The following KCNK2 variants were observed in gnomAD, a reference collection of about 807,000 sequenced individuals.
KCNK2 encodes the protein potassium channel subfamily K member 2.
A neutral mutation model predicts 40.5 loss-of-function variants in KCNK2; 21 were observed. The ratio of observed to expected loss-of-function variants is 0.52; its 90% CI spans 0.37 to 0.75. KCNK2 has a LOEUF of 0.75. KCNK2 is among the 30% of genes least tolerant of loss of function. The pLI is 0.00. For synonymous variants in KCNK2, 191 were observed against 202.2 expected, an observed-to-expected ratio of 0.94 and a Z score of 0.47; for missense variants, 399 against 531.6, an observed-to-expected ratio of 0.75 and a Z score of 2.45.
At chr1:215,078,364 A>G (rs1006026770), upstream of KCNK2, among the ~76,000 whole-genome samples, 4 of 152,212 alleles carry the variant, frequency 2.6e-5, no homozygotes, top group Admixed American at 1.3e-4. Context: ...TCACAATGCT[A>G]TGAAGAAATG....
chr1:215,219,895 T>C (rs1666104192), intron 6 of KCNK2, among the ~76,000 whole-genome samples: 1 of 152,204 alleles, frequency 6.6e-6, no homozygotes, highest in Non-Finnish European at 1.5e-5. Context: ...ATCCCCATTA[T>C]TCCTTGAGCA....
chr1:215,093,943 AT>A (rs1659866301), intron 2 of KCNK2, among the ~76,000 whole-genome samples: 1 of 126,224 alleles, frequency 7.9e-6, no homozygotes, highest in Non-Finnish European at 1.6e-5. Context: ...ACATGACAAT[AT>A]ATATAATATA....
chr1:215,125,207 T>C (rs1661361808), intron 3 of KCNK2, among the ~76,000 whole-genome samples: 1 of 152,176 alleles, frequency 6.6e-6, no homozygotes, highest in South Asian at 2.1e-4. Context: ...TTTATGATGA[T>C]TACTTCAGGG....
intron 6 of KCNK2, among the ~76,000 whole-genome samples, chr1:215,209,445 A>ATATT (rs1665502257): frequency 1.1e-4 from 3 of 26,674 alleles, no homozygotes; most frequent in African/African-American, 5.0e-4. Flanking sequence ...TAAAATATAT[A>ATATT]ATATATATTA....
intron 3 of KCNK2, among the ~76,000 whole-genome samples, chr1:215,134,589 C>T (rs1661817522): frequency 6.6e-6 from 1 of 152,140 alleles, no homozygotes; most frequent in Non-Finnish European, 1.5e-5. Context: ...GATTATCAGT[C>T]TCCAGTTCTT....
intron 6 of KCNK2, among the ~76,000 whole-genome samples, chr1:215,200,673 T>C (rs75640016): frequency 0.023 from 3,566 of 152,252 alleles, 118 homozygotes; most frequent in African/African-American, 0.08. Flanking sequence ...AGTATCCAGA[T>C]ACTATCAAAC....
At chr1:215,098,210 A>AT (rs5780815) in intron 2 of KCNK2, among the ~76,000 whole-genome samples, 82,739 of 151,704 alleles carry the variant, frequency 0.55, 25,332 homozygotes, top group Non-Finnish European at 0.68. Context: ...TGTGGGCAGT[A>AT]TTCCAGAAGA....
upstream of KCNK2, among the ~76,000 whole-genome samples, chr1:215,078,628 C>G (rs1250099115): frequency 6.6e-6 from 1 of 152,152 alleles, no homozygotes; most frequent in Non-Finnish European, 1.5e-5. Flanking sequence ...TGTTCCCACC[C>G]TTGACATGTG....
chr1:215,137,061 T>C (rs1044852576), intron 3 of KCNK2, among the ~76,000 whole-genome samples: 1 of 152,186 alleles, frequency 6.6e-6, no homozygotes, highest in Non-Finnish European at 1.5e-5. Context: ...AGTACCTTCC[T>C]AGATGATGGT....
At chr1:215,074,887 C>T (rs1658874162) in intron 1 of KCNK2, among the ~76,000 whole-genome samples, 1 of 152,112 alleles carries the variant, frequency 6.6e-6, no homozygotes, top group Non-Finnish European at 1.5e-5. Context: ...GCAGAATTTC[C>T]TCCCGAAAAT....
At chr1:215,094,127 TAGAA>T (rs931221580) in intron 2 of KCNK2, among the ~76,000 whole-genome samples, 3 of 150,474 alleles carry the variant, frequency 2.0e-5, no homozygotes, top group Admixed American at 1.3e-4. Context: ...ACTTCAGTCT[TAGAA>T]AGAGTACAAT....
intron 2 of KCNK2, among the ~76,000 whole-genome samples, chr1:215,096,177 C>G (rs1210973442): frequency 6.6e-6 from 1 of 151,452 alleles, no homozygotes; most frequent in Non-Finnish European, 1.5e-5. Context: ...GACCTATAAG[C>G]ATATATGGAT....
At chr1:215,193,907 C>T (rs1324732578) in intron 5 of KCNK2, among the ~76,000 whole-genome samples, 1 of 152,150 alleles carries the variant, frequency 6.6e-6, no homozygotes, top group Non-Finnish European at 1.5e-5. Context: ...CTGTGCTATT[C>T]CATGTTTTGA....
chr1:215,019,685 C>A (rs2102476931), intron 1 of KCNK2, among the ~76,000 whole-genome samples: 1 of 152,290 alleles, frequency 6.6e-6, no homozygotes, highest in Non-Finnish European at 1.5e-5. Flanking sequence ...TTGCCACATA[C>A]AATCCTTTCT....
At position 215,180,115 on chromosome 1, in the gene KCNK2, T is replaced by C. The variant is rs372931143; in HGVS notation, c.823+7932T>C. Among the ~76,000 whole-genome samples the C allele has an allele frequency of 5.6e-4, 85 of 152,286 alleles. No homozygotes were observed. The South Asian group carries it at 0.017, about 31-fold the overall frequency. ...GAACCTCTTATCCTTATGTAATACC[T>C]TACTTTGTCCTTTTTTACTGTTGTT... is the stretch of plus-strand genomic sequence containing the variant. On this transcript the variant is annotated intron_variant, in intron 5 of 6. Coordinates refer to ENST00000444842, the MANE Select transcript of KCNK2 (RefSeq NM_001017425.3).
chr1:215,142,837 G>A (rs1662242847), intron 3 of KCNK2, among the ~76,000 whole-genome samples: 1 of 151,834 alleles, frequency 6.6e-6, no homozygotes, highest in Non-Finnish European at 1.5e-5. Flanking sequence ...TTTGAAAGTT[G>A]TTTTGTTGAT....
At chr1:215,075,186 C>A (rs1658885061) in intron 1 of KCNK2, among the ~76,000 whole-genome samples, 1 of 152,112 alleles carries the variant, frequency 6.6e-6, no homozygotes, top group Admixed American at 6.5e-5. Flanking sequence ...CCATTGTTTA[C>A]ATTTAAAAAC....
intron 3 of KCNK2, among the ~76,000 whole-genome samples, chr1:215,142,678 A>T (rs1662235150): frequency 6.6e-6 from 1 of 152,158 alleles, no homozygotes; most frequent in Admixed American, 6.6e-5. Flanking sequence ...GTAGTGGAAT[A>T]GCATAGTTAT....
intron 6 of KCNK2, among the ~76,000 whole-genome samples, chr1:215,195,677 T>C (rs1346339092): frequency 2.0e-5 from 3 of 152,204 alleles, no homozygotes; most frequent in Non-Finnish European, 4.4e-5. Context: ...AAGTGAACAT[T>C]AGAATTTTGA....
Sources: gnomAD v4.1 joint callset for allele counts (sites outside exome capture counted in the v4.1 genomes callset) on GRCh38, gnomAD v4.1.1 for gene constraint, MANE v1.5 for transcripts, NCBI Gene and HGNC (gene_info 2026-07-23, HGNC 2026-07-21) for gene names.